Variants in AFDN observed in about 807,000 individuals in gnomAD.
The protein encoded by AFDN is afadin, adherens junction formation factor.
AFDN carries 68 observed loss-of-function variants against 216.6 expected under a neutral mutation model. That is an observed-to-expected ratio of 0.31 (90% confidence interval 0.26 to 0.38). AFDN has a LOEUF of 0.38. Among genes scored for constraint, AFDN ranks in the 10% least tolerant of loss-of-function variants. The pLI is 1.00. For synonymous variants in AFDN, 868 were observed against 853.7 expected (o/e 1.02, Z -0.29); for missense variants, 2,136 against 2,342.0 (o/e 0.91, Z 1.82).
At chr6:167,877,603 G>A (rs1785538536) in intron 5 of AFDN, among the ~76,000 whole-genome samples, 2 of 152,124 alleles carry the variant, frequency 1.3e-5, no homozygotes, top group African/African-American at 4.8e-5. Flanking sequence ...GGCCCTTTAT[G>A]GTTAATACTA....
rs1797517520 is a variant in AFDN, at chr6:167,966,023, G to A, written c.5235G>A (p.Glu1745=). ...AKFVAYNEEE[E]EEDCSLAGPN... ...TTGTTGCATACAATGAGGAGGAGGA[G>A]GAGGAGGACTGCAGCCTAGCAGGTC... The change falls in exon 32 of 34, where the codon GAG becomes GAA. Residue 1745 remains glutamate (E), a synonymous_variant. Coordinates refer to ENST00000683244, the MANE Select transcript of AFDN (RefSeq NM_001386888.1). 2 of 1,548,372 alleles carry A rather than the reference G, an allele frequency of 1.3e-6. No individual in the cohort carries two copies. The highest frequency in any genetic ancestry group is 1.7e-6 in the Non-Finnish European group (2 of 1,146,992).
chr6:167,912,184 A>G (rs780965396), intron 15 of AFDN: 23 of 152,208 alleles, frequency 1.5e-4, no homozygotes, highest in Non-Finnish European at 2.4e-4. Context: ...TCCTTTACGT[A>G]CTTTCTGTCC....
In AFDN at chr6:167,911,357, A is replaced by C. The variant is rs376620649; in HGVS notation, c.1905A>C (p.Thr635=). ...SSTVHFKLSP[T]YVLYMACRYV... ...CAGTCCACTTTAAGTTGTCCCCTAC[A>C]TATGTATTATATATGGCATGCCGGT... Residue 635 remains threonine (T), a synonymous_variant, in exon 15 of 34, where the codon ACA becomes ACC. Transcript: ENST00000683244. 1.1e-5 allele frequency: 17 copies of C among 1,613,918 alleles called. No individual in the cohort carries two copies. Among genetic ancestry groups the C allele is most frequent in the African/African-American group, 1.3e-5 (1 of 74,908 alleles).
At chr6:167,946,280 G>T (rs914389487) in intron 26 of AFDN, among the ~76,000 whole-genome samples, 2 of 152,236 alleles carry the variant, frequency 1.3e-5, no homozygotes, top group Non-Finnish European at 2.9e-5. Flanking sequence ...CAAAAAGGAG[G>T]AGAACTGACA....
Position 167,864,606 on chromosome 6 carries a change from A to G in AFDN, c.161A>G (p.Asn54Ser). Residue 54 changes from asparagine to serine, a missense_variant, in exon 2 of 34, where the codon AAC becomes AGC. Physicochemically the swap from Asn to Ser is conservative, Grantham distance 46 (BLOSUM62 1). This residue lies in a region of AFDN where 817 missense variants were observed against 965.7 expected (regional missense o/e 0.85). Coordinates refer to ENST00000683244, the MANE Select transcript of AFDN (RefSeq NM_001386888.1). ...RFYFQDKAAG[N>S]FATKCIRVSS... ...TATTTTCAAGATAAAGCTGCTGGAA[A>G]CTTTGCAACAAAATGTATTCGGGTC... 6.2e-7 allele frequency: 1 copy of G among 1,614,198 alleles called. No individual in the cohort carries two copies. Among genetic ancestry groups the G allele is most frequent in the Non-Finnish European group, 8.5e-7 (1 of 1,180,034 alleles).
intron 23 of AFDN, 113 bp downstream of exon 23, chr6:167,925,204 T>C (rs1792356669): frequency 4.1e-6 from 3 of 734,336 alleles, no homozygotes; most frequent in Admixed American, 4.3e-5. Flanking sequence ...AACGTGCCTG[T>C]TCAGTTCTGT....
rs1014391864 is a variant in AFDN at position 167,829,225 on chromosome 6, G to GT, written c.105+1994dup. Among the ~76,000 whole-genome samples the GT allele has an allele frequency of 2.6e-5, 4 of 151,984 alleles. 1 individual carries two copies. The highest frequency in any genetic ancestry group is 1.3e-4 in the Admixed American group (2 of 15,254). On this transcript the variant is annotated intron_variant, in intron 1 of 33. Coordinates refer to ENST00000683244, the MANE Select transcript of AFDN (RefSeq NM_001386888.1). ...GGTTTTTAAGAATGTCCATATATTG[G>GT]TTTTTTAGCTTTTTTACTATATAGT...
intron 26 of AFDN, among the ~76,000 whole-genome samples, chr6:167,946,309 G>T (rs1417975609): frequency 3.3e-5 from 5 of 152,204 alleles, no homozygotes; most frequent in Admixed American, 2.6e-4. Flanking sequence ...CGCCAGGAGC[G>T]GAAGGCTCAC....
chr6:167,886,196 G>C (rs181864202), intron 6 of AFDN, among the ~76,000 whole-genome samples: 1 of 152,108 alleles, frequency 6.6e-6, no homozygotes, highest in African/African-American at 2.4e-5. Context: ...ATTTCATTGG[G>C]ATGGGAGAAG....
At chr6:167,932,587 A>AT (rs1793449511) in intron 23 of AFDN, 1 of 152,210 alleles carries the variant, frequency 6.6e-6, no homozygotes, top group Admixed American at 6.5e-5. Flanking sequence ...GATAAATGCC[A>AT]TACAGGGTCA....
intron 21 of AFDN, among the ~76,000 whole-genome samples, chr6:167,920,970 A>C (rs553916750): frequency 1.3e-5 from 2 of 152,282 alleles, no homozygotes; most frequent in African/African-American, 4.8e-5. Context: ...TTGTGTTTCA[A>C]ACGCGTGCCG....
At chr6:167,949,684 T>G (rs1795739433) in intron 29 of AFDN, among the ~76,000 whole-genome samples, 1 of 152,214 alleles carries the variant, frequency 6.6e-6, no homozygotes, top group Non-Finnish European at 1.5e-5. Flanking sequence ...GCCCTAGTCC[T>G]TCTAGTATCT....
intron 21 of AFDN, 122 bp from the exon 22 acceptor site, chr6:167,922,725 GGGGATTAAA>G (rs1266410446): frequency 5.3e-6 from 3 of 563,124 alleles, no homozygotes; most frequent in Non-Finnish European, 9.5e-6. Flanking sequence ...AGTTTGCAGA[GGGGATTAAA>G]GGTGTAGAGT....
intron 3 of AFDN, among the ~76,000 whole-genome samples, chr6:167,870,839 C>T (rs1196175735): frequency 1.3e-5 from 2 of 151,732 alleles, no homozygotes; most frequent in African/African-American, 2.4e-5. Flanking sequence ...GGGAAAATAA[C>T]GCTTTTATAT....
chr6:167,893,707 A>G, intron 8 of AFDN, 155 bp from the exon 9 acceptor site: 1 of 641,136 alleles, frequency 1.6e-6, no homozygotes, highest in Non-Finnish European at 2.9e-6. Flanking sequence ...ACAAAAGCTG[A>G]TGGGTGAAGT....
At chr6:167,924,523 TGCTGGGTTTTC>T (rs1231315426) in intron 22 of AFDN, among the ~76,000 whole-genome samples, 4 of 152,216 alleles carry the variant, frequency 2.6e-5, no homozygotes, top group Non-Finnish European at 5.9e-5. Flanking sequence ...ATAAAATGAC[TGCTGGGTTTTC>T]GCAAGAGACA....
intron 4 of AFDN, among the ~76,000 whole-genome samples, chr6:167,874,963 G>C (rs1403669343): frequency 1.3e-5 from 2 of 152,114 alleles, no homozygotes; most frequent in African/African-American, 4.8e-5. Context: ...TAAGTATTCA[G>C]TCCTATATTT....
chr6:167,851,994 C>A (rs932697543), intron 1 of AFDN, among the ~76,000 whole-genome samples: 2 of 152,052 alleles, frequency 1.3e-5, no homozygotes, highest in African/African-American at 4.8e-5. Context: ...AAACTCATTC[C>A]CTAGACTTCA....
intron 30 of AFDN, among the ~76,000 whole-genome samples, chr6:167,959,466 ATGAT>A (rs1179513557): frequency 2.0e-5 from 3 of 152,206 alleles, no homozygotes; most frequent in African/African-American, 7.2e-5. Context: ...TTTGTAATAA[ATGAT>A]CAGGTGTTTT....
Sources: allele counts gnomAD v4.1 joint callset (sites outside exome capture counted in the v4.1 genomes callset), GRCh38; gene constraint gnomAD v4.1.1; regional missense constraint gnomAD v4.1.1; transcripts MANE v1.5; gene names NCBI Gene and HGNC (gene_info 2026-07-23, HGNC 2026-07-21).